NR1H3: variants seen among roughly 807,000 people sequenced by gnomAD.
NR1H3 encodes oxysterols receptor LXR-alpha.
A neutral mutation model predicts 48.1 loss-of-function variants in NR1H3; 19 were observed. The ratio of observed to expected loss-of-function variants is 0.40; its 90% confidence interval spans 0.28 to 0.58. The LOEUF is 0.58. NR1H3 is among the 20% of genes least tolerant of loss of function. The probability of loss-of-function intolerance (pLI) is 0.50; values close to 1 mark genes in which losing one functional copy is unlikely to be tolerated. For synonymous variants in NR1H3, 232 were observed against 227.3 expected (o/e 1.02, Z -0.19); for missense variants, 486 against 595.9 (o/e 0.82, Z 1.92).
At chr11:47,267,532 G>A (rs550920728) in intron 7 of NR1H3, among the ~76,000 whole-genome samples, 97 of 148,032 alleles carry the variant, frequency 6.6e-4, no homozygotes, top group South Asian at 2.8e-3. Flanking sequence ...TTTTTTTGAC[G>A]GAATCTCGCT....
intron 2 of NR1H3, 39 bp from the exon 3 acceptor site, chr11:47,259,752 G>A: frequency 6.2e-7 from 1 of 1,610,666 alleles, no homozygotes; most frequent in Non-Finnish European, 8.5e-7. Context: ...AGCCGGGATG[G>A]GGCCTGAGAC....
chr11:47,264,926 C>T (rs1413602028), intron 7 of NR1H3, among the ~76,000 whole-genome samples: 2 of 152,208 alleles, frequency 1.3e-5, no homozygotes, highest in Non-Finnish European at 2.9e-5. Flanking sequence ...ATAGAACCTC[C>T]TCTTAATTTC....
At chr11:47,268,179 G>A in intron 8 of NR1H3, 82 bp from the exon 9 acceptor site, 1 of 1,341,042 alleles carries the variant, frequency 7.5e-7, no homozygotes, top group Non-Finnish European at 1.1e-6. Context: ...GCTGGAGCAT[G>A]TCTCTATATT....
chr11:47,255,591 TTCTTTCTCTC>T (rs1301616451), upstream of NR1H3, among the ~76,000 whole-genome samples: 1 of 59,446 alleles, frequency 1.7e-5, no homozygotes, highest in African/African-American at 8.6e-5. Context: ...CTTTCTTTCT[TTCTTTCTCTC>T]TCTCTCTCTC....
At chr11:47,267,143 C>T (rs1565204266) in intron 7 of NR1H3, among the ~76,000 whole-genome samples, 3 of 151,782 alleles carry the variant, frequency 2.0e-5, no homozygotes, top group African/African-American at 4.8e-5. Context: ...CCTGTCACAA[C>T]TGAAAATATA....
At chr11:47,267,835 A>G in intron 7 of NR1H3, 78 bp from the exon 8 acceptor site, 1 of 1,021,700 alleles carries the variant, frequency 9.8e-7, no homozygotes, top group South Asian at 1.3e-5. Flanking sequence ...TGAGTTCCTA[A>G]TAGTTCCCTA....
chr11:47,268,029 G>A lies in NR1H3; in HGVS notation c.1102+3G>A, dbSNP rs778618057. On this transcript the variant is annotated splice_donor_region_variant and intron_variant, in intron 8 of 9. Transcript: ENST00000441012. ...TGCTATCAGCATCTTCTCTGCAGGT[G>A]TGGAGGAGGGGCAATGGGAAACAGC... 8 of 1,607,130 alleles carry A rather than the reference G, an allele frequency of 5.0e-6. No homozygotes were observed. The highest frequency in any genetic ancestry group is 1.7e-5 in the Admixed American group (1 of 59,970).
At chr11:47,255,619 T>TCTCTCTCTCTC (rs1565178937), upstream of NR1H3, among the ~76,000 whole-genome samples, 1 of 83,018 alleles carries the variant, frequency 1.2e-5, no homozygotes, top group African/African-American at 4.9e-5. Flanking sequence ...CTCTCTCTCT[T>TCTCTCTCTCTC]TCTTTCTTTC....
chr11:47,261,810 G>T, intron 6 of NR1H3, 84 bp downstream of exon 6: 10 of 1,605,726 alleles, frequency 6.2e-6, no homozygotes, highest in Non-Finnish European at 7.7e-6. Context: ...AGCTGGGAGA[G>T]CCAAATCTGC....
At chr11:47,257,463 C>A, upstream of NR1H3, 1 of 168,894 alleles carries the variant, frequency 5.9e-6, no homozygotes, top group Non-Finnish European at 1.2e-5. Flanking sequence ...CTGGAAGGCC[C>A]AGCACCTGCC....
exon 1 of NR1H3, chr11:47,248,938 A>G: frequency 6.5e-7 from 1 of 1,532,950 alleles, no homozygotes; most frequent in East Asian, 2.5e-5. Flanking sequence ...GAAAAGGCGC[A>G]GTCTCGGTGG....
At chr11:47,265,885 T>G (rs554641859) in intron 7 of NR1H3, among the ~76,000 whole-genome samples, 1 of 152,134 alleles carries the variant, frequency 6.6e-6, no homozygotes, top group East Asian at 1.9e-4. Flanking sequence ...AAAAAATTTT[T>G]TTATTTATTT....
At chr11:47,249,753 A>T (rs948702455) in intron 1 of NR1H3, among the ~76,000 whole-genome samples, 11 of 152,008 alleles carry the variant, frequency 7.2e-5, no homozygotes, top group Admixed American at 1.3e-4. Flanking sequence ...TTTGATTCAG[A>T]TCTGCCTACT....
intron 7 of NR1H3, among the ~76,000 whole-genome samples, chr11:47,264,191 C>T (rs985053909): frequency 1.3e-5 from 2 of 152,120 alleles, no homozygotes; most frequent in African/African-American, 4.8e-5. Context: ...AATTGAGCTT[C>T]AGCAGGAAAC....
rs755627128 is a variant in NR1H3, at chr11:47,267,995, C to G, written c.1071C>G (p.Ala357=). 2 of 1,613,930 alleles carry G rather than the reference C, an allele frequency of 1.2e-6. No individual in the cohort carries two copies. Among genetic ancestry groups the G allele is most frequent in the Non-Finnish European group, 1.7e-6 (2 of 1,179,964 alleles). The change falls in exon 8 of 10, where the codon GCC becomes GCG. Residue 357 remains alanine (A), a synonymous_variant. Coordinates refer to ENST00000441012, the MANE Select transcript of NR1H3 (RefSeq NM_005693.4). The part of the protein sequence containing the change: ...NELQLNDAEF[A]LLIAISIFSA... ...TGCAACTCAATGATGCCGAGTTTGC[C>G]TTGCTCATTGCTATCAGCATCTTCT...
intron 2 of NR1H3, chr11:47,259,549 A>G: frequency 6.7e-7 from 1 of 1,485,206 alleles, no homozygotes. Flanking sequence ...TCTGAAATGC[A>G]TACACTCCAG....
At chr11:47,249,111 C>A in intron 1 of NR1H3, 14 of 1,037,084 alleles carry the variant, frequency 1.3e-5, no homozygotes, top group Non-Finnish European at 1.9e-5. Flanking sequence ...GTGGCACTTG[C>A]AGTGGGCGGG....
chr11:47,261,613 G>A lies in NR1H3; in HGVS notation c.775G>A (p.Glu259Lys). The A allele has an allele frequency of 1.2e-6, 2 of 1,614,258 alleles. No individual in the cohort carries two copies. Among genetic ancestry groups the A allele is most frequent in the Non-Finnish European group, 1.7e-6 (2 of 1,180,046 alleles). ...ARQQRFAHFT[E>K]LAIVSVQEIV... ...TCAGCAGCGCTTTGCCCACTTCACT[G>A]AGCTGGCCATCGTCTCTGTGCAGGA... The change falls in exon 6 of 10, where the codon GAG becomes AAG. Residue 259 changes from glutamate (E) to lysine (K), a missense_variant. Physicochemically the swap from Glu to Lys is moderately conservative, Grantham distance 56. Coordinates refer to ENST00000441012, the MANE Select transcript of NR1H3 (RefSeq NM_005693.4).
chr11:47,268,360 G>A lies in NR1H3; in HGVS notation c.1197+5G>A. 2 of 1,612,482 alleles carry A rather than the reference G, an allele frequency of 1.2e-6. No individual in the cohort carries two copies. Among genetic ancestry groups the A allele is most frequent in the Non-Finnish European group, 1.7e-6 (2 of 1,178,520 alleles). ...GTCTCCATCCACCATCCCCATGTGA[G>A]TCTCCCCATGGTGTTCCTTTTCCTC... On this transcript the variant is annotated splice_donor_5th_base_variant and intron_variant, in intron 9 of 9. Transcript: ENST00000441012.
Sources: gnomAD v4.1 joint callset for allele counts (sites outside exome capture counted in the v4.1 genomes callset) on GRCh38, gnomAD v4.1.1 for gene constraint, MANE v1.5 for transcripts, NCBI Gene and HGNC (gene_info 2026-07-23, HGNC 2026-07-21) for gene names.